Variants in TUSC3 observed in about 807,000 individuals in gnomAD.
The protein encoded by TUSC3 is dolichyl-diphosphooligosaccharide--protein glycosyltransferase subunit TUSC3.
In TUSC3, 45 loss-of-function variants were observed where a neutral mutation model predicts 44.8. That is an observed-to-expected ratio of 1.00 (90% CI 0.79 to 1.29). The LOEUF (loss-of-function observed/expected upper bound fraction) is 1.29. Ranked by LOEUF, TUSC3 falls within the 50% of genes most tolerant of loss-of-function variation. The probability of loss-of-function intolerance (pLI) is 0.00; values close to 1 mark genes in which losing one functional copy is unlikely to be tolerated. For missense variants in TUSC3, 519 were observed against 437.9 expected, an observed-to-expected ratio of 1.19 and a Z score of -1.65; for synonymous variants, 212 against 152.9, an observed-to-expected ratio of 1.39 and a Z score of -2.85.
intron 1 of TUSC3, among the ~76,000 whole-genome samples, chr8:15,418,294 G>GAGT (rs1390505012): frequency 1.3e-5 from 2 of 152,148 alleles, no homozygotes; most frequent in African/African-American, 4.8e-5. Flanking sequence ...TGCACACAAT[G>GAGT]AGTAACGTAA....
At chr8:15,558,987 T>C (rs201978975) in intron 1 of TUSC3, among the ~76,000 whole-genome samples, 26,590 of 146,652 alleles carry the variant, frequency 0.18, 2,533 homozygotes, top group South Asian at 0.22. Context: ...AAGGGTTTTT[T>C]GTGTCTCTAT....
chr8:15,623,046 CTT>C (rs1364248647), intron 1 of TUSC3, 32 bp from the exon 2 acceptor site: 2 of 1,607,492 alleles, frequency 1.2e-6, no homozygotes, highest in African/African-American at 1.3e-5. Flanking sequence ...GACTTTGACT[CTT>C]TGTAAATGTT....
chr8:15,440,305 A>C (rs1234219940), intron 1 of TUSC3, among the ~76,000 whole-genome samples: 1 of 152,116 alleles, frequency 6.6e-6, no homozygotes, highest in Non-Finnish European at 1.5e-5. Flanking sequence ...TCCAACAAAT[A>C]AAGCCAATAT....
At chr8:15,783,506 G>C in the TUSC3 span, among the ~76,000 whole-genome samples, 1 of 152,038 alleles carries the variant, frequency 6.6e-6, no homozygotes, top group African/African-American at 2.4e-5. Flanking sequence ...AAACAACATG[G>C]TACTGGCATA....
intron 2 of TUSC3, among the ~76,000 whole-genome samples, chr8:15,490,972 G>C (rs1020284085): frequency 3.9e-5 from 6 of 151,978 alleles, no homozygotes; most frequent in Admixed American, 6.6e-5. Context: ...AGGGTCTGGG[G>C]CCCCCCCAAT....
rs77320965 is a variant in TUSC3, at chr8:15,480,693, A to C, written n.92-2693A>C. On this transcript the variant is annotated intron_variant and non_coding_transcript_variant, in intron 1 of 5. Transcript: ENST00000503191. ...CTTCACAGTCCCTCCCTGCACCTGC[A>C]TCCTTGGTGTCTCTCTGAATGTCCT... 0.011 allele frequency among the ~76,000 whole-genome samples: 1,733 copies of C among 152,272 alleles called. 68 individuals are homozygous for C. The East Asian group carries it at 0.14, about 12-fold the overall frequency.
chr8:15,798,649 T>G, the TUSC3 span, among the ~76,000 whole-genome samples: 1,139 of 147,244 alleles, frequency 7.7e-3, 15 homozygotes, highest in African/African-American at 0.028. Flanking sequence ...CCTGGGTGTG[T>G]GGGGGGGGTC....
At chr8:15,479,987 A>G (rs1035169567) in intron 1 of TUSC3, among the ~76,000 whole-genome samples, 2 of 152,190 alleles carry the variant, frequency 1.3e-5, no homozygotes, top group South Asian at 4.1e-4. Flanking sequence ...AGAAATCACA[A>G]GCATTCCATA....
chr8:15,528,477 A>G (rs1404202514), intron 2 of TUSC3, among the ~76,000 whole-genome samples: 3 of 152,248 alleles, frequency 2.0e-5, no homozygotes, highest in African/African-American at 2.4e-5. Context: ...AAATTACAGC[A>G]TTTTTAAACC....
the TUSC3 span, chr8:15,807,150 G>A: frequency 9.0e-6 from 8 of 893,002 alleles, no homozygotes; most frequent in African/African-American, 1.6e-5. Context: ...ACTTGGCAAA[G>A]CAATCACAGC....
intron 1 of TUSC3, among the ~76,000 whole-genome samples, chr8:15,571,104 C>T (rs1802859755): frequency 6.6e-6 from 1 of 151,526 alleles, no homozygotes; most frequent in Non-Finnish European, 1.5e-5. Flanking sequence ...TAGGTGCCTG[C>T]CACCACACCT....
At chr8:15,459,074 G>A (rs534869425) in intron 1 of TUSC3, among the ~76,000 whole-genome samples, 1 of 152,136 alleles carries the variant, frequency 6.6e-6, no homozygotes, top group African/African-American at 2.4e-5. Context: ...TCCTTTAGCA[G>A]TTAAAGTATC....
chr8:15,726,632 C>T (rs1056271266), intron 6 of TUSC3, among the ~76,000 whole-genome samples: 1 of 151,944 alleles, frequency 6.6e-6, no homozygotes, highest in Non-Finnish European at 1.5e-5. Flanking sequence ...GTGGTGAAAC[C>T]CTATCTCTAC....
chr8:15,625,609 T>C (rs1422087383), intron 2 of TUSC3, among the ~76,000 whole-genome samples: 2 of 152,230 alleles, frequency 1.3e-5, no homozygotes, highest in African/African-American at 4.8e-5. Flanking sequence ...GTGCCAGCAT[T>C]GTCCATGTTG....
At chr8:15,688,663 C>T (rs748287086) in intron 6 of TUSC3, among the ~76,000 whole-genome samples, 7 of 152,028 alleles carry the variant, frequency 4.6e-5, no homozygotes, top group African/African-American at 7.3e-5. Flanking sequence ...CTCAGAATAA[C>T]GCACAAAAGC....
At chr8:15,722,288 C>T (rs1431209048) in intron 6 of TUSC3, among the ~76,000 whole-genome samples, 1 of 151,312 alleles carries the variant, frequency 6.6e-6, no homozygotes, top group East Asian at 1.9e-4. Flanking sequence ...ACCTAGACTA[C>T]CAGTCTTATT....
At chr8:15,627,819 ACTT>A (rs1241304157) in intron 2 of TUSC3, among the ~76,000 whole-genome samples, 2 of 152,164 alleles carry the variant, frequency 1.3e-5, no homozygotes, top group African/African-American at 2.4e-5. Flanking sequence ...TCACTCACAC[ACTT>A]CTTGTTGCTC....
chr8:15,796,839 C>G, the TUSC3 span, among the ~76,000 whole-genome samples: 1 of 152,306 alleles, frequency 6.6e-6, no homozygotes, highest in East Asian at 1.9e-4. Flanking sequence ...CCCTTCCCAA[C>G]TTGTCATTGA....
At position 15,765,110 on chromosome 8, in the gene TUSC3, T is replaced by C. The variant is rs1812291163; in HGVS notation, c.*954T>C. ...GGAGTGTAATGTACTATTATGTTTG[T>C]ATCCTGTTTTAGTTTATAAAGCACT... On this transcript the variant is annotated 3_prime_UTR_variant, in exon 11 of 11. Coordinates refer to ENST00000503731, the MANE Select transcript of TUSC3 (RefSeq NM_006765.4). 1 of 152,056 alleles carries C rather than the reference T, an allele frequency of 6.6e-6. No homozygotes were observed. Among genetic ancestry groups the C allele is most frequent in the African/African-American group, 2.4e-5 (1 of 41,442 alleles). The allele number at this position is 152,056 out of a possible 1,614,324, so 9.4% of individuals were successfully genotyped here. A position where few individuals can be genotyped will look rare whatever the true frequency, so the allele number is the denominator to read the frequency against.
Sources: gnomAD v4.1 joint callset for allele counts (sites outside exome capture counted in the v4.1 genomes callset) on GRCh38, gnomAD v4.1.1 for gene constraint, MANE v1.5 for transcripts, NCBI Gene and HGNC (gene_info 2026-07-23, HGNC 2026-07-21) for gene names.